The following PHF21A variants were observed in gnomAD, a reference collection of about 807,000 sequenced individuals.
PHF21A encodes the protein PHD finger protein 21A, also known as BHC80a.
Under a neutral mutation model 82.5 loss-of-function variants are expected in PHF21A, and 11 were observed. That is an observed-to-expected ratio of 0.13 (90% CI 0.08 to 0.22). The LOEUF (loss-of-function observed/expected upper bound fraction) is 0.22, where lower values mean the gene tolerates loss of function less well. Ranked by LOEUF, PHF21A falls within the 10% of genes least tolerant of loss-of-function variation. PHF21A has a pLI of 1.00. For synonymous variants in PHF21A, 297 were observed against 302.8 expected (o/e 0.98, Z 0.20); for missense variants, 579 against 837.8 (o/e 0.69, Z 3.81).
At chr11:46,099,102 C>G (rs2097050119) in intron 1 of PHF21A, among the ~76,000 whole-genome samples, 1 of 152,100 alleles carries the variant, frequency 6.6e-6, no homozygotes, top group Non-Finnish European at 1.5e-5. Context: ...CATCAACATA[C>G]ACAGAAGAAA....
rs1047467896 is a variant in PHF21A at position 45,992,964 on chromosome 11, G to A, written c.154-12998C>T. Among the ~76,000 whole-genome samples, 5 of 152,306 alleles carry A rather than the reference G, an allele frequency of 3.3e-5. 1 individual carries two copies. The highest frequency in any genetic ancestry group is 6.8e-3 in the Middle Eastern group (2 of 294). The stretch of plus-strand genomic sequence containing the variant: ...GGTGGAGAAAGCAGTTGTTTAAAGA[G>A]CTGTAGAGTAGAGGTCAGAAAACTG... On this transcript the variant is annotated intron_variant, in intron 6 of 18. Transcript: ENST00000676320.
At chr11:46,120,736 C>G (rs996236350) in intron 1 of PHF21A, among the ~76,000 whole-genome samples, 199 bp downstream of exon 1, 2 of 151,872 alleles carry the variant, frequency 1.3e-5, no homozygotes, top group African/African-American at 2.4e-5. Context: ...CACCCCTCCC[C>G]TCCCCCTACC....
At chr11:46,101,969 T>A (rs2097102335) in intron 1 of PHF21A, among the ~76,000 whole-genome samples, 3 of 152,106 alleles carry the variant, frequency 2.0e-5, no homozygotes, top group Non-Finnish European at 4.4e-5. Flanking sequence ...GCGATTCTCC[T>A]GCCTCAGCCT....
chr11:45,965,083 T>A (rs974170894), intron 10 of PHF21A, among the ~76,000 whole-genome samples: 3 of 152,284 alleles, frequency 2.0e-5, no homozygotes, highest in Admixed American at 2.0e-4. Context: ...GGGAGCTCAC[T>A]CACACAGGAA....
At chr11:46,085,039 G>A (rs2096840385) in intron 3 of PHF21A, among the ~76,000 whole-genome samples, 1 of 151,982 alleles carries the variant, frequency 6.6e-6, no homozygotes, top group South Asian at 2.1e-4. Flanking sequence ...GTTTCTCGGA[G>A]GTTAACGAAT....
chr11:46,108,117 C>A (rs2135931704), intron 1 of PHF21A, among the ~76,000 whole-genome samples: 1 of 152,168 alleles, frequency 6.6e-6, no homozygotes, highest in South Asian at 2.1e-4. Context: ...TGCCCCAATT[C>A]TTGCCTATTT....
At chr11:45,992,724 C>G (rs2094755720) in intron 6 of PHF21A, among the ~76,000 whole-genome samples, 2 of 152,020 alleles carry the variant, frequency 1.3e-5, no homozygotes, top group South Asian at 4.2e-4. Context: ...TGAGAATATG[C>G]TAAGATAAAA....
intron 6 of PHF21A, among the ~76,000 whole-genome samples, chr11:45,983,468 G>A (rs909393401): frequency 6.6e-6 from 1 of 152,026 alleles, no homozygotes; most frequent in Non-Finnish European, 1.5e-5. Context: ...CTGCGTGTGT[G>A]GTTATACATG....
At chr11:46,080,864 A>G (rs2096783272) in intron 4 of PHF21A, among the ~76,000 whole-genome samples, 1 of 151,348 alleles carries the variant, frequency 6.6e-6, no homozygotes, top group African/African-American at 2.4e-5. Context: ...AGGTCTCACT[A>G]TGTTATCCAG....
intron 1 of PHF21A, among the ~76,000 whole-genome samples, chr11:46,097,188 C>G (rs1374958785): frequency 6.6e-6 from 1 of 152,192 alleles, no homozygotes; most frequent in Non-Finnish European, 1.5e-5. Context: ...AAGGTATATT[C>G]TCTCGCAAGC....
chr11:45,972,033 A>G (rs1327139256), intron 7 of PHF21A, among the ~76,000 whole-genome samples: 1 of 151,618 alleles, frequency 6.6e-6, no homozygotes, highest in Non-Finnish European at 1.5e-5. Context: ...CAATGAGTAT[A>G]TAGTAAATAC....
chr11:46,000,035 G>A (rs1205582465), intron 6 of PHF21A, among the ~76,000 whole-genome samples: 2 of 152,238 alleles, frequency 1.3e-5, no homozygotes, highest in East Asian at 3.9e-4. Context: ...AATGATCTAG[G>A]GGAGATTCTA....
At chr11:46,021,829 T>C (rs970059669) in intron 6 of PHF21A, among the ~76,000 whole-genome samples, 21 of 152,194 alleles carry the variant, frequency 1.4e-4, no homozygotes, top group Admixed American at 1.3e-3. Context: ...GAGATTATTA[T>C]AGGCATGAGC....
intron 15 of PHF21A, among the ~76,000 whole-genome samples, chr11:45,943,519 A>G (rs1427978043): frequency 1.3e-5 from 2 of 152,130 alleles, no homozygotes. Context: ...AAAGCCTCCT[A>G]ACTGGTCTTC....
intron 3 of PHF21A, among the ~76,000 whole-genome samples, chr11:46,086,728 T>G (rs967472408): frequency 3.3e-5 from 5 of 152,196 alleles, no homozygotes; most frequent in African/African-American, 7.2e-5. Flanking sequence ...TGAAGGTGTA[T>G]TTTTCAAATA....
At chr11:46,004,868 C>A (rs1306505849) in intron 6 of PHF21A, among the ~76,000 whole-genome samples, 1 of 152,094 alleles carries the variant, frequency 6.6e-6, no homozygotes, top group Non-Finnish European at 1.5e-5. Flanking sequence ...TACATGTGTT[C>A]GAAATTTATT....
At chr11:46,066,495 C>T (rs943227456) in intron 6 of PHF21A, among the ~76,000 whole-genome samples, 5 of 152,064 alleles carry the variant, frequency 3.3e-5, no homozygotes, top group African/African-American at 1.2e-4. Flanking sequence ...GCCAGGAATT[C>T]AAGACCAGCC....
chr11:46,011,895 A>G (rs537595823), intron 6 of PHF21A, among the ~76,000 whole-genome samples: 4 of 152,348 alleles, frequency 2.6e-5, no homozygotes, highest in Non-Finnish European at 5.9e-5. Flanking sequence ...TTAGTGTAAC[A>G]TTAATTTTAA....
intron 14 of PHF21A, 22 bp downstream of exon 14, chr11:45,948,864 A>G: frequency 6.3e-7 from 1 of 1,585,982 alleles, no homozygotes; most frequent in Non-Finnish European, 8.7e-7. Context: ...GCAGCAAGGG[A>G]GAGATACAAA....
Sources: allele counts gnomAD v4.1 joint callset (sites outside exome capture counted in the v4.1 genomes callset), GRCh38; gene constraint gnomAD v4.1.1; transcripts MANE v1.5; gene names NCBI Gene and HGNC (gene_info 2026-07-23, HGNC 2026-07-21).